The following ACOD1 variants were observed in gnomAD, a reference collection of about 807,000 sequenced individuals.
ACOD1 encodes the protein aconitate decarboxylase 1.
In ACOD1, 14 loss-of-function variants were observed where a neutral mutation model predicts 14.2. The ratio of observed to expected loss-of-function variants is 0.99; its 90% CI spans 0.65 to 1.54. The LOEUF (loss-of-function observed/expected upper bound fraction) is 1.54. Among genes scored for constraint, ACOD1 ranks in the 40% most tolerant of loss-of-function variants. The pLI is 0.00. For missense variants in ACOD1, 530 were observed against 586.3 expected (o/e 0.90, Z 0.99); for synonymous variants, 182 against 221.7 (o/e 0.82, Z 1.59).
Position 76,957,637 on chromosome 13 carries a change from C to G in ACOD1, c.1098C>G (p.Leu366=). 2 of 1,550,624 alleles carry G rather than the reference C, an allele frequency of 1.3e-6. No individual in the cohort carries two copies. The highest frequency in any genetic ancestry group is 2.4e-5 in the East Asian group (1 of 40,924). The change falls in exon 5 of 5, where the codon CTC becomes CTG. Residue 366 remains leucine, a synonymous_variant. Coordinates refer to ENST00000377462, the MANE Select transcript of ACOD1 (RefSeq NM_001258406.2). ...ACAGGCCACAGGTGAGAGAGCTGCTCAGTAAGGTGGAGCTGGAGTACCCTC... is the reference window on the plus strand; with the variant it reads ...ACAGGCCACAGGTGAGAGAGCTGCTGAGTAAGGTGGAGCTGGAGTACCCTC... ...QINRPQVREL[L]SKVELEYPPD...
intron 4 of ACOD1, among the ~76,000 whole-genome samples, chr13:76,956,350 C>T (rs571343137): frequency 1.1e-4 from 17 of 152,008 alleles, no homozygotes; most frequent in Admixed American, 2.6e-4. Context: ...TACAGGCATG[C>T]ACCACCATGC....
intron 3 of ACOD1, among the ~76,000 whole-genome samples, chr13:76,954,060 T>G (rs2033848692): frequency 6.6e-6 from 1 of 152,242 alleles, no homozygotes. Flanking sequence ...TGTTCTTTAT[T>G]CATTCACTCA....
At chr13:76,951,528 A>C (rs931295723) in intron 1 of ACOD1, among the ~76,000 whole-genome samples, 3 of 151,246 alleles carry the variant, frequency 2.0e-5, no homozygotes, top group African/African-American at 4.9e-5. Context: ...GAGCCACCAC[A>C]CCTGGTCAAT....
chr13:76,956,289 C>T (rs1184527827), intron 4 of ACOD1, among the ~76,000 whole-genome samples: 1 of 152,212 alleles, frequency 6.6e-6, no homozygotes, highest in African/African-American at 2.4e-5. Flanking sequence ...GCAACCTCCG[C>T]CTCCTGGGTT....
At chr13:76,948,694 C>A in intron 1 of ACOD1, 124 bp downstream of exon 1, 2 of 721,888 alleles carry the variant, frequency 2.8e-6, no homozygotes, top group African/African-American at 1.8e-5. Flanking sequence ...TTTCTTTCAA[C>A]CTGTGGGCTA....
chr13:76,956,989 C>T, intron 4 of ACOD1, 21 bp from the exon 5 acceptor site: 1 of 1,532,880 alleles, frequency 6.5e-7, no homozygotes, highest in Non-Finnish European at 8.8e-7. Flanking sequence ...ACATCTCCAA[C>T]TCTGCTTCTT....
Position 76,958,104 on chromosome 13 carries a change from A to C in ACOD1, c.*119A>C. ...TGAACAAAGATGGAGAGAGTCCAGA[A>C]ACAGAACTACATATATCTGGAAGGA... is the stretch of plus-strand genomic sequence containing the variant. On this transcript the variant is annotated 3_prime_UTR_variant, in exon 5 of 5. Transcript: ENST00000377462. 3.9e-6 allele frequency: 4 copies of C among 1,017,620 alleles called. No individual in the cohort carries two copies. The highest frequency in any genetic ancestry group is 5.5e-6 in the Non-Finnish European group (4 of 723,134). 63.0% of individuals were successfully genotyped at this position (1,017,620 alleles called of 1,614,324 possible).
intron 2 of ACOD1, among the ~76,000 whole-genome samples, chr13:76,952,911 C>T (rs557707185): frequency 1.4e-4 from 22 of 152,202 alleles, no homozygotes; most frequent in Non-Finnish European, 2.8e-4. Flanking sequence ...GGTGGGCAGA[C>T]GGTTTGAGCC....
chr13:76,955,819 A>T (rs1310922833), intron 4 of ACOD1, among the ~76,000 whole-genome samples: 1 of 152,190 alleles, frequency 6.6e-6, no homozygotes, highest in Non-Finnish European at 1.5e-5. Context: ...CTCAAAGCAG[A>T]ATCTATTCTG....
In ACOD1 at chr13:76,957,729, C is replaced by G. The variant is rs1210404179; in HGVS notation, c.1190C>G (p.Thr397Ser). The G allele has an allele frequency of 6.4e-7, 1 of 1,550,682 alleles. No individual in the cohort carries two copies. Among genetic ancestry groups the G allele is most frequent in the Non-Finnish European group, 8.7e-7 (1 of 1,147,016 alleles). Residue 397 changes from threonine to serine, a missense_variant, in exon 5 of 5, where the codon ACC becomes AGC. Coordinates refer to ENST00000377462, the MANE Select transcript of ACOD1 (RefSeq NM_001258406.2). ...EISVTLKDGA[T>S]FTDRSDTFYG... ...AGTGTCACCCTCAAGGATGGAGCCA[C>G]CTTCACAGATCGCTCTGATACCTTC...
Position 76,955,287 on chromosome 13 carries a change from C to T in ACOD1, c.265-32C>T, listed in dbSNP as rs1216636452. ...CATTGCATTAAGGGAAAATTTAAGG[C>T]TTTTTGTTGCTGTTTGTGTCTGTTT... On this transcript the variant is annotated intron_variant, in intron 3 of 4. Transcript: ENST00000377462. 4.6e-6 allele frequency: 7 copies of T among 1,536,676 alleles called. No homozygotes were observed. The East Asian group carries it at 1.2e-4, about 27-fold the overall frequency.
intron 1 of ACOD1, among the ~76,000 whole-genome samples, chr13:76,951,734 T>C (rs190865644): frequency 9.8e-5 from 15 of 152,316 alleles, no homozygotes; most frequent in Non-Finnish European, 1.5e-4. Context: ...ACCAGAGCAC[T>C]TGAGAGCCTC....
At chr13:76,951,602 T>C (rs1789298039) in intron 1 of ACOD1, among the ~76,000 whole-genome samples, 1 of 152,214 alleles carries the variant, frequency 6.6e-6, no homozygotes, top group African/African-American at 2.4e-5. Flanking sequence ...TTATATCCTT[T>C]TTTTCCTACT....
At chr13:76,953,936 T>A (rs2033847840) in intron 3 of ACOD1, among the ~76,000 whole-genome samples, 1 of 152,160 alleles carries the variant, frequency 6.6e-6, no homozygotes, top group African/African-American at 2.4e-5. Context: ...AAAAACACCC[T>A]AAGGTATCCC....
At position 76,952,574 on chromosome 13, in the gene ACOD1, T is replaced by G; in HGVS notation, c.98T>G (p.Met33Arg). ...TDRVIQRSKR[M>R]ILDTLGAGFL... is the part of the protein sequence containing the mutation. ...CGTGTTATTCAGAGGAGCAAGAGGA[T>G]GATTCTAGACACTCTGGGTGCTGGG... The change falls in exon 2 of 5, where the codon ATG (methionine) becomes AGG (arginine). Residue 33 changes from methionine (M) to arginine (R), a missense_variant. Physicochemically the swap from Met to Arg is moderately conservative, Grantham distance 91. Coordinates refer to ENST00000377462, the MANE Select transcript of ACOD1 (RefSeq NM_001258406.2). The G allele has an allele frequency of 6.4e-7, 1 of 1,550,402 alleles. No homozygotes were observed. The highest frequency in any genetic ancestry group is 8.7e-7 in the Non-Finnish European group (1 of 1,146,900).
Position 76,957,832 on chromosome 13 carries a change from C to T in ACOD1, c.1293C>T (p.Ser431=). 1 of 1,551,082 alleles carries T rather than the reference C, an allele frequency of 6.4e-7. No individual in the cohort carries two copies. Among genetic ancestry groups the T allele is most frequent in the Non-Finnish European group, 8.7e-7 (1 of 1,147,106 alleles). ...GAGCCAATGCCTCCAAGATGCTGTC[C>T]TGGGACACAGTGGAAAGCCTTATAA... ...KFRANASKML[S]WDTVESLIKI... is the part of the protein sequence containing the mutation. The change falls in exon 5 of 5, where the codon TCC becomes TCT. Residue 431 remains serine (S), a synonymous_variant. Transcript: ENST00000377462.
At chr13:76,949,245 G>A (rs577791687) in intron 1 of ACOD1, among the ~76,000 whole-genome samples, 2 of 152,028 alleles carry the variant, frequency 1.3e-5, no homozygotes, top group Admixed American at 6.5e-5. Flanking sequence ...CCAGCCTAGC[G>A]ACAGAGCGAG....
At chr13:76,954,990 G>A (rs922842424) in intron 3 of ACOD1, among the ~76,000 whole-genome samples, 8 of 151,908 alleles carry the variant, frequency 5.3e-5, no homozygotes, top group Non-Finnish European at 8.8e-5. Flanking sequence ...AGCCAGGTGC[G>A]GTGGTGGGCA....
chr13:76,949,942 C>T (rs918340629), intron 1 of ACOD1, among the ~76,000 whole-genome samples: 1 of 152,192 alleles, frequency 6.6e-6, no homozygotes. Context: ...CTTTCTCTCT[C>T]CCAGCCATCT....
Sources: allele counts gnomAD v4.1 joint callset (sites outside exome capture counted in the v4.1 genomes callset), GRCh38; gene constraint gnomAD v4.1.1; transcripts MANE v1.5; gene names NCBI Gene and HGNC (gene_info 2026-07-23, HGNC 2026-07-21).